The following NEB variants were observed in gnomAD, a reference collection of about 807,000 sequenced individuals.
NEB encodes nebulin.
NEB carries 512 observed loss-of-function variants against 952.2 expected under a neutral mutation model. The ratio of observed to expected loss-of-function variants is 0.54; its 90% CI spans 0.50 to 0.58. NEB has a LOEUF of 0.58. Ranked by LOEUF, NEB falls within the 20% of genes least tolerant of loss-of-function variation. The pLI is 0.00. For synonymous variants in NEB, 2,900 were observed against 3,149.8 expected (o/e 0.92, Z 2.66); for missense variants, 8,428 against 9,231.1 (o/e 0.91, Z 3.56).
intron 157 of NEB, among the ~76,000 whole-genome samples, chr2:151,515,666 CTCTACTTT>C (rs1477430995): frequency 1.3e-5 from 2 of 152,182 alleles, no homozygotes; most frequent in Admixed American, 6.5e-5. Flanking sequence ...GATGTTGGAA[CTCTACTTT>C]TGTAATTTTG....
At chr2:151,712,744 T>C (rs2099748697) in intron 10 of NEB, among the ~76,000 whole-genome samples, 1 of 152,056 alleles carries the variant, frequency 6.6e-6, no homozygotes, top group African/African-American at 2.4e-5. Context: ...GAGGTATGTG[T>C]CCATGTGGGA....
rs1226326295 is a variant in NEB, at chr2:151,656,296, C to T, written c.6352G>A (p.Asp2118Asn). The change falls in exon 49 of 182, where the codon GAC (aspartate) becomes AAC (asparagine). Residue 2118 changes from aspartate to asparagine, a missense_variant. Transcript: ENST00000397345. ...TTTGCAGCCGTGACACTGAGCATGT[C>T]GGCAGGGGTGTGGTAGCTGGTCTTT... ...NTKTSYHTPA[D>N]MLSVTAAKDA... 16 of 1,613,626 alleles carry T rather than the reference C, an allele frequency of 9.9e-6. No individual in the cohort carries two copies. In the African/African-American group the frequency reaches 1.1e-4, roughly 11 times the overall value.
intron 155 of NEB, among the ~76,000 whole-genome samples, chr2:151,518,727 T>G (rs2079760770): frequency 6.6e-6 from 1 of 152,160 alleles, no homozygotes; most frequent in Admixed American, 6.6e-5. Flanking sequence ...AATGGTTAAT[T>G]GGAGGGCAAA....
chr2:151,491,939 A>C (rs2056935594), intron 178 of NEB, 159 bp downstream of exon 178: 1 of 990,830 alleles, frequency 1.0e-6, no homozygotes, highest in African/African-American at 1.6e-5. Flanking sequence ...ATAAGGTAGA[A>C]ATCAGCTTTG....
intron 75 of NEB, among the ~76,000 whole-genome samples, chr2:151,616,515 G>A (rs2098201787): frequency 6.6e-6 from 1 of 152,120 alleles, no homozygotes; most frequent in Admixed American, 6.6e-5. Flanking sequence ...CCAACATGGT[G>A]AAATCCCGTC....
chr2:151,558,908 A>C (rs1223716493), intron 124 of NEB, among the ~76,000 whole-genome samples: 1 of 152,238 alleles, frequency 6.6e-6, no homozygotes, highest in Non-Finnish European at 1.5e-5. Flanking sequence ...TTCATGACTG[A>C]AACACCAAAA....
rs2095777976 is a variant in NEB at position 151,557,972 on chromosome 2, C to T, written c.19314+2620G>A. 2.0e-5 allele frequency among the ~76,000 whole-genome samples: 3 copies of T among 152,144 alleles called. No individual in the cohort carries two copies. The South Asian group carries it at 6.2e-4, about 32-fold the overall frequency. On this transcript the variant is annotated intron_variant, in intron 124 of 181. Coordinates refer to ENST00000397345, the MANE Select transcript of NEB (RefSeq NM_001164508.2). The stretch of plus-strand genomic sequence containing the variant: ...GAAAACTGGCACAAGACAGGGATGC[C>T]CTCTCTCACCACTCCTATTCAACAT...
At chr2:151,701,722 C>T (rs2099671309) in intron 13 of NEB, among the ~76,000 whole-genome samples, 1 of 150,622 alleles carries the variant, frequency 6.6e-6, no homozygotes. Context: ...TCCCCTTTAT[C>T]ATTTTTTATT....
rs1553769576 is a variant in NEB, at chr2:151,565,043, C to G, written c.18471+1G>C. The stretch of plus-strand genomic sequence containing the variant: ...TGGTTATTACATAAAAGAGAACTTA[C>G]AGTACTGTAGAGTTTTCCCATGTCT... On this transcript the variant is annotated splice_donor_variant, in intron 117 of 181. Transcript: ENST00000397345. LOFTEE classifies it high-confidence loss of function. 1 of 1,524,958 alleles carries G rather than the reference C, an allele frequency of 6.6e-7. No homozygotes were observed. Among genetic ancestry groups the G allele is most frequent in the Non-Finnish European group, 9.0e-7 (1 of 1,106,948 alleles). The allele number at this position is 1,524,958 out of a possible 1,614,324, so 94.5% of individuals were successfully genotyped here. A position where few individuals can be genotyped will look rare whatever the true frequency, so the allele number is the denominator to read the frequency against.
At position 151,554,936 on chromosome 2, in the gene NEB, T is replaced by C. The variant is rs763759736; in HGVS notation, c.19423A>G (p.Ile6475Val). The C allele has an allele frequency of 3.7e-6, 6 of 1,610,488 alleles. No individual in the cohort carries two copies. The highest frequency in any genetic ancestry group is 1.7e-4 in the Middle Eastern group (1 of 6,044). Residue 6475 changes from isoleucine to valine, a missense_variant, in exon 125 of 182, where the codon ATC becomes GTC. Ile to Val is a conservative substitution (Grantham distance 29). Transcript: ENST00000397345. ...GGGCGCATGACCGTACTTACATCGA[T>C]GTTAAGCTTGCCAACTCGGAGGCAC... ...ARCLRVGKLN[I>V]DRLYRSVYEK...
intron 9 of NEB, 130 bp downstream of exon 9, chr2:151,723,252 G>C: frequency 3.8e-6 from 2 of 524,370 alleles, no homozygotes; most frequent in East Asian, 3.0e-5. Flanking sequence ...AACAATTCTA[G>C]ACATACTCCT....
At chr2:151,516,385 G>T (rs2077711034) in intron 157 of NEB, 74 bp downstream of exon 157, 6 of 983,018 alleles carry the variant, frequency 6.1e-6, no homozygotes, top group African/African-American at 1.6e-5. Flanking sequence ...CAGGAAACTG[G>T]CCATGTCATG....
chr2:151,545,431 C>T lies in NEB; in HGVS notation c.20577+457G>A, dbSNP rs181443897. On this transcript the variant is annotated intron_variant, in intron 135 of 181. Coordinates refer to ENST00000397345, the MANE Select transcript of NEB (RefSeq NM_001164508.2). ...TCACTACTAAAAATACAAAATTAGC[C>T]AGGCGTGGTGGCACATGCCTGTAAT... 1.8e-3 allele frequency among the ~76,000 whole-genome samples: 268 copies of T among 152,128 alleles called. 2 individuals are homozygous for T. In the South Asian group the frequency reaches 0.03, roughly 17 times the overall value.
At chr2:151,656,971 T>C (rs1006488658) in intron 48 of NEB, among the ~76,000 whole-genome samples, 22 of 152,162 alleles carry the variant, frequency 1.4e-4, no homozygotes, top group Non-Finnish European at 2.8e-4. Context: ...TAGAATAGCT[T>C]TATATTCGTG....
chr2:151,493,806 C>T lies in NEB; in HGVS notation c.24641G>A (p.Arg8214Lys). The T allele has an allele frequency of 6.3e-7, 1 of 1,586,036 alleles. No individual in the cohort carries two copies. The highest frequency in any genetic ancestry group is 8.6e-7 in the Non-Finnish European group (1 of 1,164,232). ...AAAGTTTTCTTGATTGCGTTTCACT[C>T]TTTCCATCTCAGGAGTAAAGGGTGT... ...TPTPFTPEME[R>K]VKRNQENFSS... Residue 8214 changes from arginine to lysine, a missense_variant, in exon 175 of 182, where the codon AGA becomes AAA. This residue lies in a region of NEB where 3,374 missense variants were observed against 3,651.5 expected (regional missense o/e 0.92). Transcript: ENST00000397345.
rs759338548 is a variant in NEB at position 151,633,931 on chromosome 2, C to T, written c.9137G>A (p.Gly3046Asp). The change falls in exon 65 of 182, where the codon GGC becomes GAC. Residue 3046 changes from glycine to aspartate, a missense_variant. Physicochemically the swap from Gly to Asp is moderately conservative, Grantham distance 94. Transcript: ENST00000397345. Reference sequence around the variant, plus strand: ...AATGTTCCGGGCTCCAATATGGTGGCCAAGTTGCTTGCAGTAACCATCTTT... The same window carrying T: ...AATGTTCCGGGCTCCAATATGGTGGTCAAGTTGCTTGCAGTAACCATCTTT... Reference protein sequence around the residue: ...KYKDGYCKQLGHHIGARNIED... With the variant: ...KYKDGYCKQLDHHIGARNIED... 8 of 1,613,682 alleles carry T rather than the reference C, an allele frequency of 5.0e-6. No homozygotes were observed. Among genetic ancestry groups the T allele is most frequent in the Non-Finnish European group, 6.8e-6 (8 of 1,179,626 alleles).
At chr2:151,657,020 T>C (rs995750037) in intron 48 of NEB, among the ~76,000 whole-genome samples, 1 of 152,158 alleles carries the variant, frequency 6.6e-6, no homozygotes, top group Non-Finnish European at 1.5e-5. Flanking sequence ...ACTGCTATAA[T>C]GGGGAAGAAA....
At position 151,553,910 on chromosome 2, in the gene NEB, C is replaced by T. The variant is rs757278862; in HGVS notation, c.19544G>A (p.Arg6515His). 46 of 1,613,722 alleles carry T rather than the reference C, an allele frequency of 2.9e-5. 1 individual carries two copies. Among genetic ancestry groups the T allele is most frequent in the East Asian group, 8.9e-5 (4 of 44,876 alleles). The change falls in exon 126 of 182, where the codon CGC becomes CAC. Residue 6515 changes from arginine (R) to histidine (H), a missense_variant. Arg to His is a conservative substitution (Grantham distance 29, BLOSUM62 0). Transcript: ENST00000397345. ...GCAAATCCATTCGTGGAGGCGCAGG[C>T]GGTAATCAATCTCACTGACTTTCTT... Reference protein sequence around the residue: ...SQKKVSEIDYRLRLHEWICHP... With the variant: ...SQKKVSEIDYHLRLHEWICHP...
rs2098819769 is a variant in NEB at position 151,639,451 on chromosome 2, G to T, written c.8890-67C>A. On this transcript the variant is annotated intron_variant, in intron 62 of 181. Transcript: ENST00000397345. ...GTGTATAGTTAATAGGAATTTTAGGGCCACAAAAACTTTATAAAAAAAAAG... is the reference window on the plus strand; with the variant it reads ...GTGTATAGTTAATAGGAATTTTAGGTCCACAAAAACTTTATAAAAAAAAAG... 7 of 1,169,268 alleles carry T rather than the reference G, an allele frequency of 6.0e-6. No individual in the cohort carries two copies. In the South Asian group the frequency reaches 1.2e-4, roughly 21 times the overall value. The allele number at this position is 1,169,268 out of a possible 1,614,324, so 72.4% of individuals were successfully genotyped here. A position where few individuals can be genotyped will look rare whatever the true frequency, so the allele number is the denominator to read the frequency against.
Sources: gnomAD v4.1 joint callset for allele counts (sites outside exome capture counted in the v4.1 genomes callset) on GRCh38, gnomAD v4.1.1 for gene constraint, gnomAD v4.1.1 regional missense constraint, MANE v1.5 for transcripts, NCBI Gene and HGNC (gene_info 2026-07-23, HGNC 2026-07-21) for gene names.